The following PTPRD variants were observed in gnomAD, a reference collection of about 807,000 sequenced individuals.
PTPRD encodes the protein receptor-type tyrosine-protein phosphatase delta.
A neutral mutation model predicts 214.5 loss-of-function variants in PTPRD; 34 were observed. The ratio of observed to expected loss-of-function variants is 0.16; its 90% CI spans 0.12 to 0.21. The LOEUF is 0.21. Ranked by LOEUF, PTPRD falls within the 10% of genes least tolerant of loss-of-function variation. PTPRD has a pLI of 1.00. For missense variants in PTPRD, 2,545 were observed against 2,398.7 expected, an observed-to-expected ratio of 1.06 and a Z score of -1.27; for synonymous variants, 1,128 against 845.7, an observed-to-expected ratio of 1.33 and a Z score of -5.79.
chr9:10,197,870 C>A (rs1593889596), intron 3 of PTPRD, among the ~76,000 whole-genome samples: 1 of 151,968 alleles, frequency 6.6e-6, no homozygotes, highest in South Asian at 2.1e-4. Flanking sequence ...GATCTGTAAG[C>A]AAAGACCCAA....
At chr9:8,736,014 A>G (rs891841144) in intron 11 of PTPRD, among the ~76,000 whole-genome samples, 18 of 152,188 alleles carry the variant, frequency 1.2e-4, no homozygotes, top group Non-Finnish European at 1.5e-5. Context: ...GCAAACTACA[A>G]AAAGAGCCAT....
intron 7 of PTPRD, among the ~76,000 whole-genome samples, chr9:9,598,289 C>G (rs992059729): frequency 6.6e-6 from 1 of 151,928 alleles, no homozygotes; most frequent in African/African-American, 2.4e-5. Context: ...GGACAAGATG[C>G]CTTAACTACT....
intron 10 of PTPRD, among the ~76,000 whole-genome samples, chr9:9,088,027 G>C (rs549529416): frequency 6.6e-6 from 1 of 151,006 alleles, no homozygotes; most frequent in East Asian, 2.0e-4. Flanking sequence ...AATTACAAGC[G>C]TGCACCACCA....
At chr9:8,978,582 G>T (rs573908211) in intron 11 of PTPRD, among the ~76,000 whole-genome samples, 1 of 152,192 alleles carries the variant, frequency 6.6e-6, no homozygotes, top group East Asian at 1.9e-4. Flanking sequence ...AGTGCACGCA[G>T]CCTTGAATCA....
At chr9:10,505,660 C>T (rs991817552) in intron 2 of PTPRD, among the ~76,000 whole-genome samples, 1 of 150,648 alleles carries the variant, frequency 6.6e-6, no homozygotes, top group African/African-American at 2.4e-5. Context: ...TTCTCCACAT[C>T]TTTCTTGAAC....
chr9:10,364,818 G>A (rs547724313), intron 2 of PTPRD, among the ~76,000 whole-genome samples: 7 of 152,000 alleles, frequency 4.6e-5, no homozygotes, highest in Non-Finnish European at 7.4e-5. Context: ...ATTACCATAC[G>A]ATATCTATAT....
intron 35 of PTPRD, among the ~76,000 whole-genome samples, chr9:8,419,867 C>A (rs747096206): frequency 3.3e-5 from 5 of 151,708 alleles, no homozygotes; most frequent in East Asian, 3.9e-4. Flanking sequence ...TTCCCTACAG[C>A]GGGTCCAAAA....
intron 31 of PTPRD, among the ~76,000 whole-genome samples, chr9:8,470,663 T>C (rs1591378663): frequency 6.6e-6 from 1 of 152,162 alleles, no homozygotes; most frequent in Non-Finnish European, 1.5e-5. Context: ...TTGGGATTTA[T>C]ACCAATGGTG....
intron 14 of PTPRD, among the ~76,000 whole-genome samples, chr9:8,529,704 A>G (rs2075175085): frequency 6.6e-6 from 1 of 152,180 alleles, no homozygotes; most frequent in South Asian, 2.1e-4. Flanking sequence ...AGGATTAGAA[A>G]GGTGTGTTCT....
intron 2 of PTPRD, among the ~76,000 whole-genome samples, chr9:10,453,755 T>G (rs1329953321): frequency 6.6e-6 from 1 of 151,660 alleles, no homozygotes; most frequent in East Asian, 1.9e-4. Flanking sequence ...ACCAAAACCA[T>G]GTACCTTCTT....
chr9:8,704,559 T>A (rs1269070733), intron 12 of PTPRD, among the ~76,000 whole-genome samples: 1 of 152,128 alleles, frequency 6.6e-6, no homozygotes, highest in Non-Finnish European at 1.5e-5. Flanking sequence ...CATTAAAGGT[T>A]AAGTGAGGTG....
At chr9:9,062,233 G>A (rs186058258) in intron 10 of PTPRD, among the ~76,000 whole-genome samples, 7 of 152,176 alleles carry the variant, frequency 4.6e-5, no homozygotes, top group Admixed American at 4.6e-4. Context: ...ACATGTCAAA[G>A]CACAGTTTGA....
In PTPRD at chr9:10,260,151, G is replaced by GTAT. The variant is rs1490356317; in HGVS notation, c.-545+80809_-545+80811dup. On this transcript the variant is annotated intron_variant, in intron 3 of 45. Transcript: ENST00000381196. ...TCAACATTTAACCATGTTCCCTGTG[G>GTAT]TATTATGTGTTAAATGTGGAAACCG... Among the ~76,000 whole-genome samples, 6 of 152,222 alleles carry GTAT rather than the reference G, an allele frequency of 3.9e-5. No individual in the cohort carries two copies. The East Asian group carries it at 9.7e-4, about 24-fold the overall frequency.
intron 11 of PTPRD, among the ~76,000 whole-genome samples, chr9:8,924,532 TG>T (rs2098852036): frequency 6.6e-6 from 1 of 152,054 alleles, no homozygotes; most frequent in African/African-American, 2.4e-5. Flanking sequence ...GGAATCAAAG[TG>T]GTACCTGAAT....
intron 10 of PTPRD, among the ~76,000 whole-genome samples, chr9:9,074,087 C>CA (rs201872371): frequency 6.6e-6 from 1 of 151,794 alleles, no homozygotes; most frequent in Non-Finnish European, 1.5e-5. Flanking sequence ...AATAATCCCA[C>CA]AAAAAAATAT....
chr9:9,059,516 C>CAGTT (rs1002027477), intron 10 of PTPRD, among the ~76,000 whole-genome samples: 72 of 152,200 alleles, frequency 4.7e-4, no homozygotes, highest in African/African-American at 1.7e-3. Flanking sequence ...TGAATGGACA[C>CAGTT]AGTTAGAAAC....
intron 9 of PTPRD, among the ~76,000 whole-genome samples, chr9:9,194,689 T>C (rs2099937233): frequency 1.3e-5 from 2 of 152,166 alleles, no homozygotes; most frequent in African/African-American, 4.8e-5. Context: ...TATACTTATA[T>C]GGGTTTAACT....
chr9:8,426,402 G>T (rs950129256), intron 35 of PTPRD, among the ~76,000 whole-genome samples: 1 of 152,140 alleles, frequency 6.6e-6, no homozygotes, highest in African/African-American at 2.4e-5. Context: ...TAGCATTCCG[G>T]TGCTAAAATC....
chr9:10,444,542 A>T (rs1334498452), intron 2 of PTPRD, among the ~76,000 whole-genome samples: 1 of 151,892 alleles, frequency 6.6e-6, no homozygotes, highest in African/African-American at 2.4e-5. Context: ...TCAAGGAAAC[A>T]CAGTGGGATC....
Sources: allele counts gnomAD v4.1 joint callset (sites outside exome capture counted in the v4.1 genomes callset), GRCh38; gene constraint gnomAD v4.1.1; transcripts MANE v1.5; gene names NCBI Gene and HGNC (gene_info 2026-07-23, HGNC 2026-07-21).